Variants in PHACTR1 observed in about 807,000 individuals in gnomAD.
The protein encoded by PHACTR1 is phosphatase and actin regulator 1.
A neutral mutation model predicts 69.2 loss-of-function variants in PHACTR1; 16 were observed. The ratio of observed to expected loss-of-function variants is 0.23; its 90% CI spans 0.16 to 0.35. The LOEUF (loss-of-function observed/expected upper bound fraction) is 0.35. Among genes scored for constraint, PHACTR1 ranks in the 10% least tolerant of loss-of-function variants. PHACTR1 has a pLI of 1.00. For synonymous variants in PHACTR1, 312 were observed against 284.5 expected (o/e 1.10, Z -0.97); for missense variants, 510 against 734.7 (o/e 0.69, Z 3.54).
intron 4 of PHACTR1, among the ~76,000 whole-genome samples, chr6:12,812,468 A>T (rs926457962): frequency 6.6e-6 from 1 of 152,214 alleles, no homozygotes; most frequent in African/African-American, 2.4e-5. Flanking sequence ...TATGTTGCTG[A>T]TCTGAAAACT....
chr6:13,233,862 C>T (rs958187534), intron 10 of PHACTR1, among the ~76,000 whole-genome samples: 1 of 152,240 alleles, frequency 6.6e-6, no homozygotes, highest in African/African-American at 2.4e-5. Context: ...TCTGAATCCA[C>T]TTTGTCCTTC....
chr6:12,815,550 C>A (rs1210853937), intron 4 of PHACTR1, among the ~76,000 whole-genome samples: 1 of 152,196 alleles, frequency 6.6e-6, no homozygotes, highest in Non-Finnish European at 1.5e-5. Context: ...AGAAAATAAT[C>A]ATCCTCCCCT....
chr6:13,121,915 G>A (rs1818799478), intron 5 of PHACTR1, among the ~76,000 whole-genome samples: 1 of 152,200 alleles, frequency 6.6e-6, no homozygotes, highest in Non-Finnish European at 1.5e-5. Flanking sequence ...ATCATGCAAT[G>A]TGAAGTTCAG....
At chr6:12,721,011 T>G (rs1395889509) in intron 3 of PHACTR1, among the ~76,000 whole-genome samples, 1 of 152,184 alleles carries the variant, frequency 6.6e-6, no homozygotes, top group Admixed American at 6.5e-5. Context: ...CTTAAAACAG[T>G]GTCTGCCACA....
intron 4 of PHACTR1, among the ~76,000 whole-genome samples, chr6:12,914,027 G>T (rs1162715557): frequency 6.6e-6 from 1 of 152,034 alleles, no homozygotes; most frequent in Non-Finnish European, 1.5e-5. Context: ...GGAGTGCAGT[G>T]GCGCAATTTC....
At chr6:13,197,719 C>G (rs1000309226) in intron 7 of PHACTR1, among the ~76,000 whole-genome samples, 1 of 152,168 alleles carries the variant, frequency 6.6e-6, no homozygotes, top group Admixed American at 6.5e-5. Flanking sequence ...CTTCTGAGTT[C>G]TAAGCCAGTG....
intron 4 of PHACTR1, among the ~76,000 whole-genome samples, chr6:12,844,665 G>A (rs1779025344): frequency 6.6e-6 from 1 of 151,960 alleles, no homozygotes; most frequent in Non-Finnish European, 1.5e-5. Flanking sequence ...AAAGCACAGA[G>A]AAATACTAGA....
At position 13,019,071 on chromosome 6, in the gene PHACTR1, TA is replaced by T. The variant is rs1467798634; in HGVS notation, c.251-34293del. 4.9e-4 allele frequency among the ~76,000 whole-genome samples: 50 copies of T among 102,654 alleles called. 1 individual carries two copies. Among genetic ancestry groups the T allele is most frequent in the African/African-American group, 1.1e-3 (36 of 32,060 alleles). 67.3% of individuals were successfully genotyped at this position (102,654 alleles called of 152,430 possible). A position where few individuals can be genotyped will look rare whatever the true frequency, so the allele number is the denominator to read the frequency against. On this transcript the variant is annotated intron_variant, in intron 4 of 14. Transcript: ENST00000332995. ...CAGTTGAAATATATATATATATATA[TA>T]TATTTTTTCTTTTTCTTTTTGTAGA... is the stretch of plus-strand genomic sequence containing the variant.
intron 4 of PHACTR1, among the ~76,000 whole-genome samples, chr6:13,025,089 C>G (rs1433346243): frequency 1.3e-5 from 2 of 151,970 alleles, no homozygotes; most frequent in Non-Finnish European, 2.9e-5. Context: ...GACACCATCA[C>G]TACAAAAATA....
intron 4 of PHACTR1, among the ~76,000 whole-genome samples, chr6:13,029,208 A>G (rs1802109085): frequency 6.6e-6 from 1 of 152,198 alleles, no homozygotes; most frequent in African/African-American, 2.4e-5. Context: ...ACAAGACTGT[A>G]TTAAAATGAT....
Position 13,099,724 on chromosome 6 carries a change from A to G in PHACTR1, c.415+46195A>G, listed in dbSNP as rs1178124466. Among the ~76,000 whole-genome samples, 3 of 152,368 alleles carry G rather than the reference A, an allele frequency of 2.0e-5. No individual in the cohort carries two copies. In the East Asian group the frequency reaches 5.8e-4, roughly 29 times the overall value. On this transcript the variant is annotated intron_variant, in intron 5 of 14. Transcript: ENST00000332995. ...TACATTGACCCAATAAAATGACATT[A>G]ACTTGGAATGTTTCAACAAGAGATA...
intron 4 of PHACTR1, among the ~76,000 whole-genome samples, chr6:12,792,105 T>C (rs1327574933): frequency 6.6e-6 from 1 of 152,066 alleles, no homozygotes; most frequent in African/African-American, 2.4e-5. Flanking sequence ...TAAGCATATG[T>C]GTGTGTGTGT....
intron 4 of PHACTR1, among the ~76,000 whole-genome samples, chr6:12,877,181 T>C (rs992880175): frequency 2.0e-5 from 3 of 152,132 alleles, no homozygotes; most frequent in Non-Finnish European, 4.4e-5. Context: ...ACACGACACA[T>C]AGAATTAACC....
At chr6:13,010,960 A>T (rs142291431) in intron 4 of PHACTR1, among the ~76,000 whole-genome samples, 1 of 152,310 alleles carries the variant, frequency 6.6e-6, no homozygotes, top group African/African-American at 2.4e-5. Context: ...TGAGGCAAGG[A>T]GGTAGTGCTG....
intron 3 of PHACTR1, among the ~76,000 whole-genome samples, chr6:12,738,989 A>T (rs1299179023): frequency 1.3e-5 from 2 of 152,206 alleles, no homozygotes; most frequent in Non-Finnish European, 1.5e-5. Flanking sequence ...GTACCCATAT[A>T]TAATGGTTTA....
chr6:12,756,269 G>A (rs1767313074), intron 4 of PHACTR1, among the ~76,000 whole-genome samples: 1 of 152,106 alleles, frequency 6.6e-6, no homozygotes, highest in Admixed American at 6.5e-5. Flanking sequence ...CCAATGTCTT[G>A]TAAGGGCCTG....
intron 7 of PHACTR1, among the ~76,000 whole-genome samples, chr6:13,185,836 T>C (rs1762762781): frequency 6.6e-6 from 1 of 152,162 alleles, no homozygotes; most frequent in Non-Finnish European, 1.5e-5. Context: ...TTTTGTAACA[T>C]GTAATGGGGG....
chr6:13,269,146 G>A (rs978235660), intron 10 of PHACTR1, among the ~76,000 whole-genome samples: 2 of 152,024 alleles, frequency 1.3e-5, no homozygotes, highest in Non-Finnish European at 2.9e-5. Flanking sequence ...AAATGTAGGC[G>A]CCACCCACAT....
Position 13,160,585 on chromosome 6 carries a change from G to A in PHACTR1, c.496+301G>A, listed in dbSNP as rs145773175. 2.2e-3 allele frequency among the ~76,000 whole-genome samples: 332 copies of A among 152,308 alleles called. 1 individual carries two copies. Among genetic ancestry groups the A allele is most frequent in the African/African-American group, 7.1e-3 (296 of 41,568 alleles). On this transcript the variant is annotated intron_variant, in intron 6 of 14. Transcript: ENST00000332995. ...GCACTGGTTGTGAGTCTGTTGGCAT[G>A]CAAATACACACGACCAGGGTGCAGT...
Sources: allele counts gnomAD v4.1 joint callset (sites outside exome capture counted in the v4.1 genomes callset), GRCh38; gene constraint gnomAD v4.1.1; transcripts MANE v1.5; gene names NCBI Gene and HGNC (gene_info 2026-07-23, HGNC 2026-07-21).